The following VPS16 variants were observed in gnomAD, a reference collection of about 807,000 sequenced individuals.
The protein encoded by VPS16 is VPS16 core subunit of CORVET and HOPS complexes, also known as vacuolar protein sorting-associated protein 16 homolog.
A neutral mutation model predicts 116.0 loss-of-function variants in VPS16; 82 were observed. The ratio of observed to expected loss-of-function variants is 0.71; its 90% CI spans 0.59 to 0.85. The LOEUF is 0.85. Among genes scored for constraint, VPS16 ranks in the 40% least tolerant of loss-of-function variants. VPS16 has a pLI of 0.00. For synonymous variants in VPS16, 406 were observed against 420.7 expected, an observed-to-expected ratio of 0.96 and a Z score of 0.43; for missense variants, 928 against 1,090.6, an observed-to-expected ratio of 0.85 and a Z score of 2.10.
chr20:2,861,313 G>A (rs915652303), intron 8 of VPS16, 33 bp downstream of exon 8: 13 of 1,613,294 alleles, frequency 8.1e-6, no homozygotes, highest in Non-Finnish European at 1.0e-5. Flanking sequence ...TGGGGGTGTG[G>A]GTGAGACATA....
rs6132977 is a variant in VPS16 at position 2,845,326 on chromosome 20, G to C, written c.53+4499G>C. Reference sequence around the variant, plus strand: ...TAAATAAAATCATGAGAAAGGAAGCGTGAGTTTGGCAGGGAAGGAGGTGAG... The same window carrying C: ...TAAATAAAATCATGAGAAAGGAAGCCTGAGTTTGGCAGGGAAGGAGGTGAG... On this transcript the variant is annotated intron_variant, in intron 1 of 23. Transcript: ENST00000380445. 3.8e-4 allele frequency among the ~76,000 whole-genome samples: 58 copies of C among 152,078 alleles called. 1 individual carries two copies. In the East Asian group the frequency reaches 6.6e-3, roughly 17 times the overall value.
chr20:2,865,439 G>A lies in VPS16; in HGVS notation c.2215G>A (p.Asp739Asn). 1.2e-6 allele frequency: 2 copies of A among 1,614,184 alleles called. No homozygotes were observed. Among genetic ancestry groups the A allele is most frequent in the Non-Finnish European group, 1.7e-6 (2 of 1,180,028 alleles). ...GCTGACTGCCCTGGCAGATTTGGAAGATTGGGAAGAGCTAGAGAAGTTTTC... is the reference window on the plus strand; with the variant it reads ...GCTGACTGCCCTGGCAGATTTGGAAAATTGGGAAGAGCTAGAGAAGTTTTC... Reference protein sequence around the residue: ...LKLTALADLEDWEELEKFSKS... With the variant: ...LKLTALADLENWEELEKFSKS... Residue 739 changes from aspartate (D) to asparagine (N), a missense_variant, in exon 22 of 24, where the codon GAT becomes AAT. Asp to Asn is a conservative substitution (Grantham distance 23, BLOSUM62 1). Transcript: ENST00000380445. The surrounding 1 kb of genome is among the most constrained non-coding windows in gnomAD (Gnocchi z 5.2).
At chr20:2,852,363 A>G (rs1039574255) in intron 1 of VPS16, among the ~76,000 whole-genome samples, 1 of 152,156 alleles carries the variant, frequency 6.6e-6, no homozygotes, top group African/African-American at 2.4e-5. Flanking sequence ...GACCATTACC[A>G]CAGAACATGG....
intron 1 of VPS16, among the ~76,000 whole-genome samples, chr20:2,843,802 C>G (rs2089032620): frequency 1.3e-5 from 2 of 152,230 alleles, no homozygotes; most frequent in Non-Finnish European, 2.9e-5. Context: ...GTGCATGCCA[C>G]AGACACAATC....
rs1256374385 is a variant in VPS16, at chr20:2,861,918, C to T, written c.994+19C>T. 6.2e-7 allele frequency: 1 copy of T among 1,611,980 alleles called. No homozygotes were observed. Among genetic ancestry groups the T allele is most frequent in the Admixed American group, 1.7e-5 (1 of 59,698 alleles). On this transcript the variant is annotated intron_variant, in intron 10 of 23. Transcript: ENST00000380445. ...GTTCCAGGTGAGGCCTTCACAAGGG[C>T]ACCACATAACCCAAGGTGGGGACTC...
At chr20:2,843,927 A>G (rs2089033649) in intron 1 of VPS16, among the ~76,000 whole-genome samples, 1 of 152,210 alleles carries the variant, frequency 6.6e-6, no homozygotes, top group African/African-American at 2.4e-5. Flanking sequence ...AGCCTTTCTT[A>G]TGTACTAAAC....
Position 2,842,291 on chromosome 20 carries a change from C to T in VPS16, c.53+1464C>T, listed in dbSNP as rs140116536. Among the ~76,000 whole-genome samples, 10 of 152,022 alleles carry T rather than the reference C, an allele frequency of 6.6e-5. No individual in the cohort carries two copies. The East Asian group carries it at 1.8e-3, about 27-fold the overall frequency. ...AATAACCACTGCACTCCAGCCTGGG[C>T]AACATAGCATACTCCCTCTGAAAAA... On this transcript the variant is annotated intron_variant, in intron 1 of 23. Coordinates refer to ENST00000380445, the MANE Select transcript of VPS16 (RefSeq NM_022575.4).
chr20:2,859,667 C>T, intron 1 of VPS16, 52 bp from the exon 2 acceptor site: 15 of 1,586,796 alleles, frequency 9.5e-6, no homozygotes, highest in Non-Finnish European at 1.3e-5. Flanking sequence ...GGGTTCACTC[C>T]ATACGGATGC....
chr20:2,853,856 A>G (rs771396500), intron 1 of VPS16, among the ~76,000 whole-genome samples: 6 of 151,858 alleles, frequency 4.0e-5, no homozygotes, highest in Non-Finnish European at 5.9e-5. Context: ...TATTTTTAGT[A>G]GAGACAGGGT....
rs199562617 is a variant in VPS16, at chr20:2,861,936, G to A, written c.994+37G>A. 4.3e-6 allele frequency: 7 copies of A among 1,609,556 alleles called. No homozygotes were observed. In the Admixed American group the frequency reaches 8.4e-5, roughly 19 times the overall value. ...ACAAGGGCACCACATAACCCAAGGT[G>A]GGGACTCCTCGGCACCCCAGCTGCC... On this transcript the variant is annotated intron_variant, in intron 10 of 23. Coordinates refer to ENST00000380445, the MANE Select transcript of VPS16 (RefSeq NM_022575.4).
intron 1 of VPS16, among the ~76,000 whole-genome samples, chr20:2,857,750 C>T (rs1319731460): frequency 6.6e-6 from 1 of 151,602 alleles, no homozygotes; most frequent in Non-Finnish European, 1.5e-5. Flanking sequence ...TGCTCTTGCT[C>T]CCCAGGCTGG....
rs776955740 is a variant in VPS16, at chr20:2,860,955, C to G, written c.631-15C>G. 9.3e-6 allele frequency: 15 copies of G among 1,614,000 alleles called. No individual in the cohort carries two copies. Among genetic ancestry groups the G allele is most frequent in the Non-Finnish European group, 1.2e-5 (14 of 1,180,042 alleles). On this transcript the variant is annotated splice_polypyrimidine_tract_variant and intron_variant, in intron 6 of 23. Transcript: ENST00000380445. This position sits in a 1 kb window ranked among gnomAD's most constrained non-coding sequence, Gnocchi z 6.1. ...AGTATGTATCTGTCCCACCCCTACC[C>G]TGGCTCTGCCTCAGACGCCCCCTGG...
rs781534839 is a variant in VPS16 at position 2,862,837 on chromosome 20, A to G, written c.1234A>G (p.Arg412Gly). 1.9e-6 allele frequency: 3 copies of G among 1,614,070 alleles called. No individual in the cohort carries two copies. The highest frequency in any genetic ancestry group is 2.2e-5 in the East Asian group (1 of 44,864). ...AASFGKCFLD[R>G]FPPDSFVHMC... ...CTCCTTCGGAAAGTGTTTCCTGGACAGATTTCCACCCGACAGCTTCGTGCA... is the reference window on the plus strand; with the variant it reads ...CTCCTTCGGAAAGTGTTTCCTGGACGGATTTCCACCCGACAGCTTCGTGCA... The change falls in exon 13 of 24, where the codon AGA (arginine) becomes GGA (glycine). Residue 412 changes from arginine (R) to glycine (G), a missense_variant. By Grantham distance (125) the Arg-to-Gly change is moderately radical (BLOSUM62 -2). Coordinates refer to ENST00000380445, the MANE Select transcript of VPS16 (RefSeq NM_022575.4).
rs750332416 is a variant in VPS16, at chr20:2,862,727, G to A, written c.1203+17G>A. On this transcript the variant is annotated intron_variant, in intron 12 of 23. Coordinates refer to ENST00000380445, the MANE Select transcript of VPS16 (RefSeq NM_022575.4). ...CTGCTCAGGGTTGGCCTGGATGGCC[G>A]GGCCGGGGAGGGTGGGGCTGGGAGG... 11 of 1,611,174 alleles carry A rather than the reference G, an allele frequency of 6.8e-6. No homozygotes were observed. Among genetic ancestry groups the A allele is most frequent in the South Asian group, 1.1e-5 (1 of 91,000 alleles).
Position 2,861,792 on chromosome 20 carries a change from T to C in VPS16, c.900-13T>C. The C allele has an allele frequency of 6.2e-7, 1 of 1,613,578 alleles. No individual in the cohort carries two copies. The highest frequency in any genetic ancestry group is 8.5e-7 in the Non-Finnish European group (1 of 1,179,814). On this transcript the variant is annotated splice_polypyrimidine_tract_variant and intron_variant, in intron 9 of 23. Coordinates refer to ENST00000380445, the MANE Select transcript of VPS16 (RefSeq NM_022575.4). ...CATCTGTAGGTGCTCTTAGGAGCCT[T>C]AACCAAGCTCAGGTTTGTGCTGGAT...
chr20:2,848,857 A>G (rs1260461882), intron 1 of VPS16, among the ~76,000 whole-genome samples: 1 of 152,176 alleles, frequency 6.6e-6, no homozygotes, highest in Admixed American at 6.5e-5. Flanking sequence ...TCCAGTGGGG[A>G]TAAGTCATTG....
chr20:2,859,242 C>A (rs974378822), intron 1 of VPS16, among the ~76,000 whole-genome samples: 1 of 152,148 alleles, frequency 6.6e-6, no homozygotes, highest in Admixed American at 6.5e-5. Flanking sequence ...AGAGCCATGA[C>A]TGTGACACTG....
intron 1 of VPS16, among the ~76,000 whole-genome samples, chr20:2,854,421 A>G (rs2089151963): frequency 6.6e-6 from 1 of 151,674 alleles, no homozygotes; most frequent in African/African-American, 2.4e-5. Context: ...AGAGCAAGAC[A>G]ATGTCTTTCT....
At position 2,865,329 on chromosome 20, in the gene VPS16, C is replaced by T; in HGVS notation, c.2174+12C>T. 6.2e-7 allele frequency: 1 copy of T among 1,614,068 alleles called. No individual in the cohort carries two copies. Among genetic ancestry groups the T allele is most frequent in the Admixed American group, 1.7e-5 (1 of 60,018 alleles). ...ATCCCTGACAAGAGGTAGGTGAGGG[C>T]CCAGGCTGCATGTGGGTCCCAGGAC... On this transcript the variant is annotated intron_variant, in intron 21 of 23. Coordinates refer to ENST00000380445, the MANE Select transcript of VPS16 (RefSeq NM_022575.4). The surrounding 1 kb of genome is among the most constrained non-coding windows in gnomAD (Gnocchi z 5.2).
Sources: allele counts gnomAD v4.1 joint callset (sites outside exome capture counted in the v4.1 genomes callset), GRCh38; gene constraint gnomAD v4.1.1; non-coding constraint Gnocchi (gnomAD v3.1); transcripts MANE v1.5; gene names NCBI Gene and HGNC (gene_info 2026-07-23, HGNC 2026-07-21).